CLYBL: variants seen among roughly 807,000 people sequenced by gnomAD.
The protein encoded by CLYBL is citramalyl-CoA lyase, mitochondrial.
A neutral mutation model predicts 38.9 loss-of-function variants in CLYBL; 31 were observed. The observed-to-expected ratio is 0.80, with a 90% confidence interval of 0.60 to 1.08. The LOEUF is 1.08. Ranked by LOEUF, CLYBL falls within the 50% of genes least tolerant of loss-of-function variation. The pLI is 0.00. For missense variants in CLYBL, 434 were observed against 411.6 expected (o/e 1.05, Z -0.47); for synonymous variants, 171 against 158.6 (o/e 1.08, Z -0.59).
intron 1 of CLYBL, among the ~76,000 whole-genome samples, chr13:99,623,504 C>T (rs971728909): frequency 2.0e-5 from 3 of 152,110 alleles, no homozygotes; most frequent in South Asian, 2.1e-4. Context: ...GTCCACTTAC[C>T]GAGCATCATT....
At chr13:99,747,277 C>A (rs575083369) in intron 1 of CLYBL, among the ~76,000 whole-genome samples, 5 of 149,544 alleles carry the variant, frequency 3.3e-5, no homozygotes, top group Non-Finnish European at 7.4e-5. Context: ...CCTACCCTCC[C>A]ACTTTCTTAT....
intron 9 of CLYBL, among the ~76,000 whole-genome samples, chr13:99,906,882 A>G (rs2052703302): frequency 6.6e-6 from 1 of 152,206 alleles, no homozygotes; most frequent in African/African-American, 2.4e-5. Flanking sequence ...GTGGCTTGGA[A>G]AATACTTGGC....
At chr13:99,852,884 C>T (rs2051365885) in intron 2 of CLYBL, among the ~76,000 whole-genome samples, 2 of 152,236 alleles carry the variant, frequency 1.3e-5, no homozygotes, top group African/African-American at 4.8e-5. Flanking sequence ...GTCCCTCTCT[C>T]CATCCATCGA....
At chr13:99,867,581 C>T (rs2051780490) in intron 6 of CLYBL, among the ~76,000 whole-genome samples, 1 of 152,078 alleles carries the variant, frequency 6.6e-6, no homozygotes. Flanking sequence ...AACGAATTCT[C>T]CCTGCGTTTC....
At chr13:99,823,757 T>C (rs1410288721) in intron 2 of CLYBL, among the ~76,000 whole-genome samples, 6 of 152,210 alleles carry the variant, frequency 3.9e-5, no homozygotes, top group African/African-American at 1.2e-4. Context: ...AATTCAATAC[T>C]GGACTCTCCA....
chr13:99,899,372 C>A (rs1375211291), downstream of CLYBL, among the ~76,000 whole-genome samples: 2 of 152,210 alleles, frequency 1.3e-5, no homozygotes, highest in African/African-American at 4.8e-5. Context: ...CTGAATTCTC[C>A]TTCCTTTCCT....
intron 1 of CLYBL, among the ~76,000 whole-genome samples, chr13:99,653,254 G>A (rs2047281243): frequency 6.6e-6 from 1 of 152,116 alleles, no homozygotes; most frequent in Non-Finnish European, 1.5e-5. Flanking sequence ...ACCTGTGGAT[G>A]TTTCAGAATG....
chr13:99,753,441 G>A (rs1303535149), intron 1 of CLYBL, among the ~76,000 whole-genome samples: 1 of 152,216 alleles, frequency 6.6e-6, no homozygotes, highest in Admixed American at 6.5e-5. Context: ...GAAAGATACA[G>A]TGCAGAGGTG....
intron 2 of CLYBL, among the ~76,000 whole-genome samples, chr13:99,848,214 T>C (rs1269495858): frequency 6.6e-6 from 1 of 152,182 alleles, no homozygotes; most frequent in Non-Finnish European, 1.5e-5. Flanking sequence ...CCCCTGCTTC[T>C]AAGTCCCAAG....
At chr13:99,794,870 G>A (rs2049991442) in intron 2 of CLYBL, among the ~76,000 whole-genome samples, 1 of 152,014 alleles carries the variant, frequency 6.6e-6, no homozygotes, top group Non-Finnish European at 1.5e-5. Context: ...GGGATTATAG[G>A]TGTAAGCCAC....
intron 3 of CLYBL, 81 bp from the exon 4 acceptor site, chr13:99,862,910 C>CTTGAG: frequency 1.4e-6 from 1 of 738,690 alleles, no homozygotes; most frequent in Non-Finnish European, 2.2e-6. Flanking sequence ...AGGTCAAAGA[C>CTTGAG]TTAAATACTA....
intron 1 of CLYBL, among the ~76,000 whole-genome samples, chr13:99,665,306 T>A (rs9517818): frequency 0.28 from 42,492 of 151,240 alleles, 7,135 homozygotes; most frequent in East Asian, 0.57. Flanking sequence ...AAAAGCAATT[T>A]ATAAAAACTA....
Position 99,688,992 on chromosome 13 carries a change from G to A in CLYBL, c.62+82235G>A, listed in dbSNP as rs115112270. 7.7e-3 allele frequency among the ~76,000 whole-genome samples: 1,178 copies of A among 152,182 alleles called. 18 individuals carry two copies. The highest frequency in any genetic ancestry group is 0.027 in the African/African-American group (1,118 of 41,510). Reference sequence around the variant, plus strand: ...GGACTGAGGCCAAGGTGAAACCTGCGTTTTCCAGGTCTGCCCACTCAGTTT... The same window carrying A: ...GGACTGAGGCCAAGGTGAAACCTGCATTTTCCAGGTCTGCCCACTCAGTTT... On this transcript the variant is annotated intron_variant, in intron 1 of 8. Coordinates refer to ENST00000339105, the MANE Select transcript of CLYBL (RefSeq NM_206808.5).
At chr13:99,636,429 C>T (rs74112517) in intron 1 of CLYBL, among the ~76,000 whole-genome samples, 2,664 of 152,312 alleles carry the variant, frequency 0.017, 69 homozygotes, top group African/African-American at 0.06. Context: ...AGCCTGTCTT[C>T]AGCTGATGCA....
In CLYBL at chr13:99,821,455, C is replaced by T. The variant is rs9585233; in HGVS notation, c.250-37406C>T. ...GCTCCTGTTATTGGATAAATATACA[C>T]TTAATTTTCTTTTCTTTGTTTTTCT... On this transcript the variant is annotated intron_variant, in intron 2 of 8. Transcript: ENST00000339105. 8.8e-3 allele frequency among the ~76,000 whole-genome samples: 1,347 copies of T among 152,306 alleles called. 22 individuals are homozygous for T. The highest frequency in any genetic ancestry group is 0.03 in the African/African-American group (1,244 of 41,558).
chr13:99,611,116 AGCTG>A (rs922874961), intron 1 of CLYBL, among the ~76,000 whole-genome samples: 1 of 152,176 alleles, frequency 6.6e-6, no homozygotes, highest in Non-Finnish European at 1.5e-5. Flanking sequence ...TCTACCACAG[AGCTG>A]GGGAAGAGGG....
chr13:99,710,880 CCTTTTTTTTT>C (rs1384320109), intron 1 of CLYBL, among the ~76,000 whole-genome samples: 6 of 134,880 alleles, frequency 4.4e-5, no homozygotes, highest in Non-Finnish European at 4.7e-5. Flanking sequence ...GTTTCTAACC[CCTTTTTTTTT>C]TTTTTTTTTT....
chr13:99,756,395 T>C (rs2049063469), intron 1 of CLYBL, among the ~76,000 whole-genome samples: 1 of 152,328 alleles, frequency 6.6e-6, no homozygotes, highest in East Asian at 1.9e-4. Context: ...GGCTGTACTT[T>C]GGAGTCTTTC....
At chr13:99,676,108 G>A (rs533480856) in intron 1 of CLYBL, among the ~76,000 whole-genome samples, 7 of 151,660 alleles carry the variant, frequency 4.6e-5, no homozygotes, top group Admixed American at 1.3e-4. Flanking sequence ...TGCCCGCCTC[G>A]GCCTCCCATG....
Sources: gnomAD v4.1 joint callset for allele counts (sites outside exome capture counted in the v4.1 genomes callset) on GRCh38, gnomAD v4.1.1 for gene constraint, MANE v1.5 for transcripts, NCBI Gene and HGNC (gene_info 2026-07-23, HGNC 2026-07-21) for gene names.